DOCK4: variants seen among roughly 807,000 people sequenced by gnomAD.
DOCK4 encodes dedicator of cytokinesis 4.
Under a neutral mutation model 268.1 loss-of-function variants are expected in DOCK4, and 97 were observed. The ratio of observed to expected loss-of-function variants is 0.36; its 90% CI spans 0.31 to 0.43. The LOEUF (loss-of-function observed/expected upper bound fraction) is 0.43. DOCK4 is among the 20% of genes least tolerant of loss of function. The pLI, the probability that DOCK4 is intolerant of heterozygous loss-of-function variation, is 1.00. For missense variants in DOCK4, 2,145 were observed against 2,455.7 expected (o/e 0.87, Z 2.67); for synonymous variants, 954 against 887.2 (o/e 1.08, Z -1.34).
intron 1 of DOCK4, among the ~76,000 whole-genome samples, chr7:112,038,854 A>G (rs545648939): frequency 1.2e-4 from 18 of 152,234 alleles, no homozygotes; most frequent in Non-Finnish European, 2.6e-4. Context: ...TGTGACTACA[A>G]GCTATTCCAA....
chr7:112,057,460 A>G (rs1805924643), intron 1 of DOCK4, among the ~76,000 whole-genome samples: 1 of 151,922 alleles, frequency 6.6e-6, no homozygotes, highest in African/African-American at 2.4e-5. Flanking sequence ...TTGAGGTAGG[A>G]GGATCACCTG....
chr7:112,073,878 A>C (rs186113739), intron 1 of DOCK4, among the ~76,000 whole-genome samples: 21 of 152,232 alleles, frequency 1.4e-4, no homozygotes, highest in Middle Eastern at 3.4e-3. Context: ...ATTATAATTT[A>C]TTATATATTT....
chr7:111,749,083 A>G (rs1796467139), intron 42 of DOCK4, among the ~76,000 whole-genome samples: 1 of 152,194 alleles, frequency 6.6e-6, no homozygotes, highest in Non-Finnish European at 1.5e-5. Context: ...AAGTCAGGAT[A>G]GTGACTACTT....
rs3801794 is a variant in DOCK4 at position 111,726,278 on chromosome 7, T to A, written c.*1996A>T. On this transcript the variant is annotated 3_prime_UTR_variant, in exon 53 of 53. Coordinates refer to ENST00000428084, the MANE Select transcript of DOCK4 (RefSeq NM_001363540.2). ...AACTGCTCACTGCCAAAATTTTTTT[T>A]AAAAAATGGCTCCAAGAGCAAATAA... is the stretch of plus-strand genomic sequence containing the variant. 501 of 152,730 alleles carry A rather than the reference T, an allele frequency of 3.3e-3. 1 individual carries two copies. The highest frequency in any genetic ancestry group is 0.029 in the East Asian group (152 of 5,190). The allele number at this position is 152,730 out of a possible 1,614,324, so 9.5% of individuals were successfully genotyped here. A position where few individuals can be genotyped will look rare whatever the true frequency, so the allele number is the denominator to read the frequency against.
chr7:112,075,704 C>T (rs535290454), intron 1 of DOCK4, among the ~76,000 whole-genome samples: 26 of 152,186 alleles, frequency 1.7e-4, no homozygotes, highest in Admixed American at 3.3e-4. Context: ...TGTAAACACA[C>T]TATGCCATTC....
intron 26 of DOCK4, among the ~76,000 whole-genome samples, chr7:111,826,592 T>C (rs1462416214): frequency 1.3e-5 from 2 of 152,162 alleles, no homozygotes; most frequent in Non-Finnish European, 2.9e-5. Context: ...GCAGCACAGA[T>C]GCAGCTAGAG....
chr7:112,114,862 A>T (rs1811981248), intron 1 of DOCK4, among the ~76,000 whole-genome samples: 1 of 152,218 alleles, frequency 6.6e-6, no homozygotes, highest in Non-Finnish European at 1.5e-5. Flanking sequence ...CACAAACATC[A>T]AATCCAAAGT....
At chr7:111,975,189 C>A (rs1798072167) in intron 8 of DOCK4, among the ~76,000 whole-genome samples, 1 of 152,178 alleles carries the variant, frequency 6.6e-6, no homozygotes, top group Non-Finnish European at 1.5e-5. Flanking sequence ...ATCACTTGAA[C>A]CCAGAAGGTG....
chr7:111,848,417 C>CTT, intron 23 of DOCK4, among the ~76,000 whole-genome samples: 1 of 152,332 alleles, frequency 6.6e-6, no homozygotes, highest in East Asian at 1.9e-4. Flanking sequence ...AAATTCTTAA[C>CTT]TTTTGAACAA....
intron 1 of DOCK4, among the ~76,000 whole-genome samples, chr7:112,182,980 C>T (rs576489123): frequency 2.4e-4 from 36 of 152,324 alleles, no homozygotes; most frequent in African/African-American, 8.4e-4. Flanking sequence ...GCCACTTGCT[C>T]CCTTCGTGCA....
At chr7:111,808,992 T>A (rs1315880635) in intron 29 of DOCK4, 113 bp from the exon 30 acceptor site, 1 of 1,177,014 alleles carries the variant, frequency 8.5e-7, no homozygotes, top group Non-Finnish European at 1.2e-6. Flanking sequence ...GAGTTTTTAA[T>A]TAAAGACATT....
In DOCK4 at chr7:111,814,374, G is replaced by C. The variant is rs140719236; in HGVS notation, c.2931-2425C>G. On this transcript the variant is annotated intron_variant, in intron 27 of 52. Transcript: ENST00000428084. ...TGGGAGCTTTTAAAATACAATGCTGGGTCACATCGCCAGAGACTACTGATT... is the reference window on the plus strand; with the variant it reads ...TGGGAGCTTTTAAAATACAATGCTGCGTCACATCGCCAGAGACTACTGATT... Among the ~76,000 whole-genome samples, 620 of 152,140 alleles carry C rather than the reference G, an allele frequency of 4.1e-3. 13 individuals carry two copies. Among genetic ancestry groups the C allele is most frequent in the Admixed American group, 0.037 (561 of 15,286 alleles).
At chr7:111,833,087 AC>A (rs1310643521) in intron 26 of DOCK4, among the ~76,000 whole-genome samples, 1 of 152,216 alleles carries the variant, frequency 6.6e-6, no homozygotes, top group Non-Finnish European at 1.5e-5. Context: ...GAAGTCATAG[AC>A]TTCTTAAGTA....
At chr7:112,077,530 C>T (rs1586775267) in intron 1 of DOCK4, among the ~76,000 whole-genome samples, 2 of 151,980 alleles carry the variant, frequency 1.3e-5, no homozygotes, top group South Asian at 2.1e-4. Flanking sequence ...TGATGGAATA[C>T]GTATTTAGAA....
At chr7:111,857,726 C>G (rs1396491089) in intron 23 of DOCK4, among the ~76,000 whole-genome samples, 1 of 152,190 alleles carries the variant, frequency 6.6e-6, no homozygotes, top group Non-Finnish European at 1.5e-5. Context: ...AGACCCTGTT[C>G]CTGACCTCTC....
At chr7:112,055,333 A>G (rs1805714797) in intron 1 of DOCK4, among the ~76,000 whole-genome samples, 1 of 152,208 alleles carries the variant, frequency 6.6e-6, no homozygotes, top group African/African-American at 2.4e-5. Context: ...CAGGACAGTC[A>G]TCCCATCACA....
chr7:112,198,197 A>G (rs1820628584), intron 1 of DOCK4, among the ~76,000 whole-genome samples: 1 of 151,960 alleles, frequency 6.6e-6, no homozygotes, highest in Non-Finnish European at 1.5e-5. Context: ...TCGTGACCTT[A>G]TAAGAAGAGA....
chr7:111,741,517 A>C (rs771997046), intron 46 of DOCK4, 23 bp downstream of exon 46: 50 of 1,609,534 alleles, frequency 3.1e-5, no homozygotes, highest in Admixed American at 1.0e-4. Flanking sequence ...CCAAATTGTA[A>C]GATAATTTGG....
At chr7:111,752,046 T>C (rs556315859) in intron 42 of DOCK4, among the ~76,000 whole-genome samples, 30 of 152,342 alleles carry the variant, frequency 2.0e-4, no homozygotes, top group Middle Eastern at 6.8e-3. Context: ...CAAGTAATTA[T>C]TGTTAATTTT....
Sources: gnomAD v4.1 joint callset for allele counts (sites outside exome capture counted in the v4.1 genomes callset) on GRCh38, gnomAD v4.1.1 for gene constraint, MANE v1.5 for transcripts, NCBI Gene and HGNC (gene_info 2026-07-23, HGNC 2026-07-21) for gene names.